PTPRT: variants seen among roughly 807,000 people sequenced by gnomAD.
PTPRT encodes the protein receptor-type tyrosine-protein phosphatase T.
In PTPRT, 56 loss-of-function variants were observed where a neutral mutation model predicts 176.8. The ratio of observed to expected loss-of-function variants is 0.32; its 90% CI spans 0.26 to 0.40. The LOEUF (loss-of-function observed/expected upper bound fraction) is 0.40. PTPRT is among the 10% of genes least tolerant of loss of function. The pLI, the probability that PTPRT is intolerant of heterozygous loss-of-function variation, is 1.00. For synonymous variants in PTPRT, 783 were observed against 739.0 expected (o/e 1.06, Z -0.96); for missense variants, 1,540 against 1,908.2 (o/e 0.81, Z 3.60).
chr20:42,832,677 G>A (rs208230), intron 2 of PTPRT, among the ~76,000 whole-genome samples: 60,228 of 144,858 alleles, frequency 0.42, 13,568 homozygotes, highest in Non-Finnish European at 0.51. Flanking sequence ...ATGAAGTTGA[G>A]GATATTGTCC....
intron 1 of PTPRT, among the ~76,000 whole-genome samples, chr20:42,926,641 G>T (rs1485402328): frequency 6.6e-6 from 1 of 152,090 alleles, no homozygotes; most frequent in Non-Finnish European, 1.5e-5. Context: ...CACGTTCCAG[G>T]GTCCATAGAG....
In PTPRT at chr20:43,189,165, G is replaced by A. The variant is rs936969764; in HGVS notation, c.88+481C>T. Among the ~76,000 whole-genome samples the A allele has an allele frequency of 1.3e-5, 2 of 151,912 alleles. No homozygotes were observed. The highest frequency in any genetic ancestry group is 3.9e-4 in the East Asian group (2 of 5,118). Reference sequence around the variant, plus strand: ...ATGGAGAGCTTCCTGTATCTCCGAGGAAAAAAGAAAAGCCGCCGCCCCGGC... The same window carrying A: ...ATGGAGAGCTTCCTGTATCTCCGAGAAAAAAAGAAAAGCCGCCGCCCCGGC... On this transcript the variant is annotated intron_variant, in intron 1 of 30. Transcript: ENST00000373187. This position sits in a 1 kb window ranked among gnomAD's most constrained non-coding sequence, Gnocchi z 5.0.
At chr20:42,340,343 G>C (rs996882546) in intron 11 of PTPRT, among the ~76,000 whole-genome samples, 1 of 152,112 alleles carries the variant, frequency 6.6e-6, no homozygotes, top group Non-Finnish European at 1.5e-5. Flanking sequence ...AAAATTCTTC[G>C]TAAGCCTATA....
chr20:42,137,218 G>A (rs960598559), intron 18 of PTPRT, among the ~76,000 whole-genome samples: 1 of 152,216 alleles, frequency 6.6e-6, no homozygotes, highest in African/African-American at 2.4e-5. Context: ...CAGAGACAGT[G>A]AAGAAGAATG....
chr20:42,300,363 TC>T (rs2057447815), intron 12 of PTPRT, among the ~76,000 whole-genome samples: 1 of 151,952 alleles, frequency 6.6e-6, no homozygotes, highest in African/African-American at 2.4e-5. Flanking sequence ...TAACAATGAT[TC>T]CCACTCGTTC....
At chr20:42,807,271 A>T (rs2077624671) in intron 2 of PTPRT, among the ~76,000 whole-genome samples, 1 of 152,066 alleles carries the variant, frequency 6.6e-6, no homozygotes, top group Non-Finnish European at 1.5e-5. Flanking sequence ...TGTTTTTCCG[A>T]CCATTCCTAT....
chr20:42,799,554 G>A (rs1294582902), intron 2 of PTPRT, among the ~76,000 whole-genome samples: 1 of 152,056 alleles, frequency 6.6e-6, no homozygotes, highest in Non-Finnish European at 1.5e-5. Flanking sequence ...GTTATTGTAG[G>A]AAAAACAATG....
chr20:42,070,864 C>T (rs1025607220), downstream of PTPRT, among the ~76,000 whole-genome samples: 1 of 152,000 alleles, frequency 6.6e-6, no homozygotes, highest in Non-Finnish European at 1.5e-5. Flanking sequence ...ATGATATGCC[C>T]CCAAATATTT....
intron 7 of PTPRT, among the ~76,000 whole-genome samples, chr20:42,634,014 AT>A (rs2074510604): frequency 2.8e-4 from 8 of 28,504 alleles, no homozygotes; most frequent in African/African-American, 1.4e-3. Context: ...TATATATAAT[AT>A]ATATATAATA....
intron 11 of PTPRT, among the ~76,000 whole-genome samples, chr20:42,344,218 C>A (rs1055448926): frequency 6.6e-6 from 1 of 152,166 alleles, no homozygotes; most frequent in Non-Finnish European, 1.5e-5. Context: ...GCATGTTGAA[C>A]AATTACCAGT....
At chr20:42,772,356 G>C (rs184252108) in intron 4 of PTPRT, among the ~76,000 whole-genome samples, 39 of 152,264 alleles carry the variant, frequency 2.6e-4, no homozygotes, top group African/African-American at 9.4e-4. Flanking sequence ...CAAGACCCCA[G>C]AGTCTTACTC....
At chr20:42,087,872 C>CAAAAAAAA (rs56235565) in intron 27 of PTPRT, among the ~76,000 whole-genome samples, 1 of 89,042 alleles carries the variant, frequency 1.1e-5, no homozygotes, top group Admixed American at 1.5e-4. Flanking sequence ...GACTCCATTT[C>CAAAAAAAA]AAAAAAAAAA....
intron 6 of PTPRT, among the ~76,000 whole-genome samples, chr20:42,697,843 G>A (rs1039689279): frequency 6.6e-6 from 1 of 152,200 alleles, no homozygotes; most frequent in Non-Finnish European, 1.5e-5. Context: ...ATTCTTCATT[G>A]AGGAAGAACA....
chr20:42,550,999 G>A (rs1365845809), intron 7 of PTPRT, among the ~76,000 whole-genome samples: 1 of 152,122 alleles, frequency 6.6e-6, no homozygotes, highest in Non-Finnish European at 1.5e-5. Flanking sequence ...GTATAACTGG[G>A]TAATGTACTT....
chr20:42,096,377 G>A (rs1400990526), intron 27 of PTPRT, among the ~76,000 whole-genome samples: 1 of 151,988 alleles, frequency 6.6e-6, no homozygotes, highest in African/African-American at 2.4e-5. Flanking sequence ...CCGAGGCAGG[G>A]GGAACACTTG....
At chr20:42,276,773 A>G (rs1309610560) in intron 13 of PTPRT, among the ~76,000 whole-genome samples, 1 of 151,424 alleles carries the variant, frequency 6.6e-6, no homozygotes, top group Non-Finnish European at 1.5e-5. Context: ...GCTTGTATCA[A>G]TGGGAGTAGG....
chr20:42,346,240 G>A (rs1001812945), intron 11 of PTPRT, among the ~76,000 whole-genome samples: 1 of 152,152 alleles, frequency 6.6e-6, no homozygotes, highest in African/African-American at 2.4e-5. Flanking sequence ...AAGTCTTCAG[G>A]GATCAGGGGA....
At chr20:43,069,872 A>T (rs915857332) in intron 1 of PTPRT, among the ~76,000 whole-genome samples, 2 of 152,164 alleles carry the variant, frequency 1.3e-5, no homozygotes, top group Non-Finnish European at 2.9e-5. Context: ...TGATTTATAC[A>T]ATATCAATTG....
At chr20:43,060,274 T>C (rs1440709985) in intron 1 of PTPRT, among the ~76,000 whole-genome samples, 1 of 152,144 alleles carries the variant, frequency 6.6e-6, no homozygotes, top group Non-Finnish European at 1.5e-5. Context: ...AAGTCCAAAT[T>C]CAAGGCTACA....
Sources: allele counts gnomAD v4.1 joint callset (sites outside exome capture counted in the v4.1 genomes callset), GRCh38; gene constraint gnomAD v4.1.1; non-coding constraint Gnocchi (gnomAD v3.1); transcripts MANE v1.5; gene names NCBI Gene and HGNC (gene_info 2026-07-23, HGNC 2026-07-21).